The following AOPEP variants were observed in gnomAD, a reference collection of about 807,000 sequenced individuals.
The protein encoded by AOPEP is aminopeptidase O.
In AOPEP, 77 loss-of-function variants were observed where a neutral mutation model predicts 98.1. The ratio of observed to expected loss-of-function variants is 0.78; its 90% CI spans 0.65 to 0.95. AOPEP has a LOEUF of 0.95. AOPEP is among the 40% of genes least tolerant of loss of function. The pLI is 0.00. For synonymous variants in AOPEP, 346 were observed against 365.3 expected (o/e 0.95, Z 0.60); for missense variants, 1,024 against 1,024.7 (o/e 1.00, Z 0.01).
At chr9:94,951,048 G>T (rs1312258470) in intron 7 of AOPEP, among the ~76,000 whole-genome samples, 1 of 152,234 alleles carries the variant, frequency 6.6e-6, no homozygotes, top group African/African-American at 2.4e-5. Flanking sequence ...GCGTGGGGAA[G>T]GGAAAGGGCA....
At chr9:94,965,349 G>T (rs1444647652) in intron 9 of AOPEP, among the ~76,000 whole-genome samples, 4 of 152,216 alleles carry the variant, frequency 2.6e-5, no homozygotes, top group African/African-American at 9.6e-5. Flanking sequence ...TAAAGTCTCA[G>T]AAGGAGAACA....
chr9:94,821,418 A>G (rs1187627259), intron 5 of AOPEP, among the ~76,000 whole-genome samples: 1 of 152,240 alleles, frequency 6.6e-6, no homozygotes, highest in African/African-American at 2.4e-5. Flanking sequence ...TTTTTTGTTA[A>G]AATGGAAGGA....
chr9:94,816,370 A>C (rs1336821239), intron 5 of AOPEP, among the ~76,000 whole-genome samples: 2 of 150,076 alleles, frequency 1.3e-5, no homozygotes, highest in Non-Finnish European at 3.0e-5. Flanking sequence ...CACCAAGTTA[A>C]CTCAGGTGAG....
At chr9:95,090,687 A>G (rs906259419), downstream of AOPEP, among the ~76,000 whole-genome samples, 2 of 152,322 alleles carry the variant, frequency 1.3e-5, no homozygotes, top group Middle Eastern at 3.4e-3. Flanking sequence ...TCCCCAGCCC[A>G]GGGCTCTGGA....
chr9:94,891,623 G>A (rs2048892559), intron 5 of AOPEP, among the ~76,000 whole-genome samples: 1 of 152,066 alleles, frequency 6.6e-6, no homozygotes, highest in South Asian at 2.1e-4. Context: ...GGGAAATGCA[G>A]AACTCTTCCA....
At chr9:94,971,349 T>G (rs764151774) in intron 10 of AOPEP, among the ~76,000 whole-genome samples, 10 of 152,208 alleles carry the variant, frequency 6.6e-5, no homozygotes, top group Non-Finnish European at 1.2e-4. Context: ...GGAGATTTCA[T>G]TTTTACAATG....
At chr9:95,063,362 T>C (rs1490688758) in intron 14 of AOPEP, among the ~76,000 whole-genome samples, 1 of 152,230 alleles carries the variant, frequency 6.6e-6, no homozygotes, top group African/African-American at 2.4e-5. Flanking sequence ...CTTGCCTTTC[T>C]GACCTCTTTC....
chr9:94,933,141 C>A (rs2137143865), intron 7 of AOPEP: 1 of 985,856 alleles, frequency 1.0e-6, no homozygotes, highest in South Asian at 4.7e-5. Flanking sequence ...CTGTTCAGCT[C>A]TCTCCTGTCA....
intron 14 of AOPEP, among the ~76,000 whole-genome samples, chr9:95,080,381 A>T (rs1156960785): frequency 6.6e-6 from 1 of 152,100 alleles, no homozygotes; most frequent in Non-Finnish European, 1.5e-5. Flanking sequence ...GTGGGGCATG[A>T]TGGCAGGTGC....
intron 13 of AOPEP, among the ~76,000 whole-genome samples, chr9:95,022,619 G>A (rs909713166): frequency 1.3e-5 from 2 of 150,540 alleles, no homozygotes; most frequent in Non-Finnish European, 3.0e-5. Context: ...GATTACGGGC[G>A]TAAGCCACCG....
intron 13 of AOPEP, among the ~76,000 whole-genome samples, chr9:95,035,033 A>T (rs1167314789): frequency 2.0e-5 from 3 of 149,594 alleles, no homozygotes; most frequent in Admixed American, 6.7e-5. Context: ...GCCTTGTTAC[A>T]TAGGTATACA....
the AOPEP span, among the ~76,000 whole-genome samples, chr9:95,131,649 CTT>C: frequency 6.6e-6 from 1 of 152,182 alleles, no homozygotes; most frequent in Admixed American, 6.5e-5. Flanking sequence ...TACTTCAGCT[CTT>C]GTTCAATTAC....
chr9:94,984,109 C>CT (rs2060367353), intron 11 of AOPEP, among the ~76,000 whole-genome samples: 1 of 151,700 alleles, frequency 6.6e-6, no homozygotes, highest in African/African-American at 2.4e-5. Context: ...TCTCGGCTCA[C>CT]TGCAAGCTCC....
chr9:95,102,837 G>A, the AOPEP span, among the ~76,000 whole-genome samples: 18 of 152,194 alleles, frequency 1.2e-4, no homozygotes, highest in Non-Finnish European at 2.5e-4. Flanking sequence ...AAGAGTAAAC[G>A]ACGTGGTGTG....
intron 13 of AOPEP, among the ~76,000 whole-genome samples, chr9:95,059,936 A>G (rs2067182292): frequency 6.6e-6 from 1 of 152,226 alleles, no homozygotes; most frequent in African/African-American, 2.4e-5. Context: ...CATAGCGAGT[A>G]ACACGGATGA....
chr9:95,115,033 T>C, the AOPEP span, among the ~76,000 whole-genome samples: 1 of 152,194 alleles, frequency 6.6e-6, no homozygotes, highest in Non-Finnish European at 1.5e-5. Flanking sequence ...CCCAACCTCC[T>C]GGGCTCAAGC....
intron 10 of AOPEP, 100 bp downstream of exon 10, chr9:94,967,901 T>A: frequency 9.9e-7 from 1 of 1,010,496 alleles, no homozygotes; most frequent in Non-Finnish European, 1.6e-6. Context: ...AAGCTCAGTC[T>A]TTCTGTCTAA....
At chr9:95,043,033 G>A (rs1333473146) in intron 13 of AOPEP, among the ~76,000 whole-genome samples, 1 of 151,924 alleles carries the variant, frequency 6.6e-6, no homozygotes, top group East Asian at 1.9e-4. Context: ...AGCACTTTGG[G>A]AGATCAAGGC....
At position 94,832,980 on chromosome 9, in the gene AOPEP, C is replaced by A. The variant is rs139260747; in HGVS notation, c.1364+31978C>A. ...ACAGAGTCTCGCTCTGTTGCCCAGGCGGGAGTGCAGTGGCACATGATCTCT... is the reference window on the plus strand; with the variant it reads ...ACAGAGTCTCGCTCTGTTGCCCAGGAGGGAGTGCAGTGGCACATGATCTCT... On this transcript the variant is annotated intron_variant, in intron 5 of 16. Coordinates refer to ENST00000375315, the MANE Select transcript of AOPEP (RefSeq NM_001193329.3). Among the ~76,000 whole-genome samples the A allele has an allele frequency of 2.0e-5, 3 of 149,050 alleles. No individual in the cohort carries two copies. In the South Asian group the frequency reaches 6.4e-4, roughly 32 times the overall value.
Sources: gnomAD v4.1 joint callset for allele counts (sites outside exome capture counted in the v4.1 genomes callset) on GRCh38, gnomAD v4.1.1 for gene constraint, MANE v1.5 for transcripts, NCBI Gene and HGNC (gene_info 2026-07-23, HGNC 2026-07-21) for gene names.